DISP3: variants seen among roughly 807,000 people sequenced by gnomAD.
DISP3 encodes dispatched RND transporter family member 3, also known as protein dispatched homolog 3.
DISP3 carries 101 observed loss-of-function variants against 135.3 expected under a neutral mutation model. The observed-to-expected ratio is 0.75, with a 90% confidence interval of 0.64 to 0.88. The LOEUF (loss-of-function observed/expected upper bound fraction) is 0.88, where lower values mean the gene tolerates loss of function less well. DISP3 is among the 40% of genes least tolerant of loss of function. The probability of loss-of-function intolerance (pLI) is 0.00; values close to 1 mark genes in which losing one functional copy is unlikely to be tolerated. For synonymous variants in DISP3, 856 were observed against 817.0 expected, an observed-to-expected ratio of 1.05 and a Z score of -0.81; for missense variants, 1,713 against 1,878.6, an observed-to-expected ratio of 0.91 and a Z score of 1.63.
chr1:11,507,071 G>A (rs926830201), intron 3 of DISP3, among the ~76,000 whole-genome samples: 3 of 152,170 alleles, frequency 2.0e-5, no homozygotes, highest in African/African-American at 4.8e-5. Flanking sequence ...GCCTCTCAAA[G>A]TGTGACTTTT....
intron 3 of DISP3, among the ~76,000 whole-genome samples, chr1:11,508,575 T>G (rs2594313): frequency 0.69 from 105,150 of 151,702 alleles, 36,839 homozygotes; most frequent in Middle Eastern, 0.72. Flanking sequence ...TCAGTTTTAT[T>G]GATGTCAAAG....
chr1:11,497,869 TCAC>T (rs905741010), intron 1 of DISP3, among the ~76,000 whole-genome samples: 4 of 152,080 alleles, frequency 2.6e-5, no homozygotes, highest in Admixed American at 6.5e-5. Flanking sequence ...ATTGAATACC[TCAC>T]CCAAGTTCAT....
chr1:11,517,911 G>A (rs1336380507), intron 7 of DISP3, among the ~76,000 whole-genome samples: 1 of 152,126 alleles, frequency 6.6e-6, no homozygotes, highest in African/African-American at 2.4e-5. Flanking sequence ...AGGGAGGTTG[G>A]GCAGCTTTTT....
chr1:11,505,462 G>A (rs1641671515), intron 3 of DISP3, among the ~76,000 whole-genome samples: 1 of 152,226 alleles, frequency 6.6e-6, no homozygotes, highest in Non-Finnish European at 1.5e-5. Flanking sequence ...CAGATGTTTA[G>A]CTGCTGAGAC....
intron 1 of DISP3, among the ~76,000 whole-genome samples, chr1:11,493,257 G>A (rs1641236665): frequency 6.6e-6 from 1 of 152,222 alleles, no homozygotes; most frequent in Admixed American, 6.5e-5. Context: ...GACCCAAGAA[G>A]AGCTGATATT....
Position 11,519,995 on chromosome 1 carries a change from G to T in DISP3, c.2200+115G>T. The T allele has an allele frequency of 1.9e-6, 2 of 1,066,270 alleles. No individual in the cohort carries two copies. The highest frequency in any genetic ancestry group is 1.3e-6 in the Non-Finnish European group (1 of 750,500). The allele number at this position is 1,066,270 out of a possible 1,614,324, so 66.1% of individuals were successfully genotyped here. On this transcript the variant is annotated intron_variant, in intron 9 of 20. Transcript: ENST00000294484. This position sits in a 1 kb window ranked among gnomAD's most constrained non-coding sequence, Gnocchi z 4.3. ...CCCAGGGTCAGAGGCCTGGGCTGGG[G>T]TCTCTCCCTCTCTGACCCCCCCTCT...
At position 11,501,952 on chromosome 1, in the gene DISP3, G is replaced by A; in HGVS notation, c.960G>A (p.Glu320=). 3 of 1,613,892 alleles carry A rather than the reference G, an allele frequency of 1.9e-6. No homozygotes were observed. Among genetic ancestry groups the A allele is most frequent in the Non-Finnish European group, 2.5e-6 (3 of 1,179,980 alleles). ...GGGAGTTCTGCTGGAAGCCCCACGA[G>A]GTGCTCAAGGATCTGCCGCTGGGCT... ...GFREFCWKPH[E]VLKDLPLGSY... is the part of the protein sequence containing the mutation. Residue 320 remains glutamate, a synonymous_variant, in exon 2 of 21, where the codon GAG becomes GAA. Coordinates refer to ENST00000294484, the MANE Select transcript of DISP3 (RefSeq NM_020780.2). This position sits in a 1 kb window ranked among gnomAD's most constrained non-coding sequence, Gnocchi z 4.9.
intron 5 of DISP3, 148 bp from the exon 6 acceptor site, chr1:11,515,853 G>A: frequency 1.1e-6 from 1 of 946,664 alleles, no homozygotes; most frequent in Non-Finnish European, 1.5e-6. Context: ...GCCAATCAGA[G>A]GGGTCTCTCC....
intron 15 of DISP3, among the ~76,000 whole-genome samples, chr1:11,530,557 G>A (rs1424564544): frequency 2.6e-5 from 4 of 152,088 alleles, no homozygotes; most frequent in Admixed American, 6.5e-5. Context: ...GCAGGCGCTC[G>A]GAGCAGGGGT....
intron 3 of DISP3, among the ~76,000 whole-genome samples, chr1:11,507,160 A>G (rs1332870525): frequency 1.3e-5 from 2 of 152,194 alleles, no homozygotes; most frequent in Non-Finnish European, 2.9e-5. Flanking sequence ...GAGAAAATTT[A>G]TCCTTCACTT....
intron 12 of DISP3, among the ~76,000 whole-genome samples, chr1:11,525,824 G>C (rs555392308): frequency 2.0e-4 from 31 of 152,160 alleles, no homozygotes; most frequent in Admixed American, 2.0e-3. Context: ...TTGGGGGTGG[G>C]GGGAGGACAG....
In DISP3 at chr1:11,520,415, T is replaced by C. The variant is rs995785974; in HGVS notation, c.2201-272T>C. On this transcript the variant is annotated intron_variant, in intron 9 of 20. Coordinates refer to ENST00000294484, the MANE Select transcript of DISP3 (RefSeq NM_020780.2). The surrounding 1 kb of genome is among the most constrained non-coding windows in gnomAD (Gnocchi z 4.8). ...CACCAGCTCGTCATAAACTATGAGG[T>C]GCTCTGAGGTGGTGGCCGCCTCTTG... 1.3e-5 allele frequency among the ~76,000 whole-genome samples: 2 copies of C among 152,108 alleles called. No individual in the cohort carries two copies. Among genetic ancestry groups the C allele is most frequent in the African/African-American group, 4.8e-5 (2 of 41,412 alleles).
intron 17 of DISP3, among the ~76,000 whole-genome samples, chr1:11,533,405 G>A (rs1041620841): frequency 2.6e-5 from 4 of 151,526 alleles, no homozygotes; most frequent in Admixed American, 6.6e-5. Context: ...ACAAGTGTGC[G>A]CCACCACACC....
chr1:11,500,902 GT>G lies in DISP3; in HGVS notation c.-3-86del, dbSNP rs147307121. Reference sequence around the variant, plus strand: ...TAGTATTTGGTTATGAGTGGACAGGGTTGGTACCTAGGGCTGGGCGAACTGC... The same window carrying G: ...TAGTATTTGGTTATGAGTGGACAGGGTGGTACCTAGGGCTGGGCGAACTGC... On this transcript the variant is annotated intron_variant, in intron 1 of 20. Coordinates refer to ENST00000294484, the MANE Select transcript of DISP3 (RefSeq NM_020780.2). The G allele has an allele frequency of 2.6e-3, 3,700 of 1,446,852 alleles. 84 individuals carry two copies. The African/African-American group carries it at 0.047, about 18-fold the overall frequency. The allele number at this position is 1,446,852 out of a possible 1,614,324, so 89.6% of individuals were successfully genotyped here. A position where few individuals can be genotyped will look rare whatever the true frequency, so the allele number is the denominator to read the frequency against.
chr1:11,491,717 C>T lies in DISP3; in HGVS notation c.-3-9273C>T, dbSNP rs143404670. ...CTTTAACGAGTATGCCTAGTGACTC[C>T]GATTCACGTAAAAGTCCAAGGATCT... On this transcript the variant is annotated intron_variant, in intron 1 of 20. Coordinates refer to ENST00000294484, the MANE Select transcript of DISP3 (RefSeq NM_020780.2). This position sits in a 1 kb window ranked among gnomAD's most constrained non-coding sequence, Gnocchi z 4.3. Among the ~76,000 whole-genome samples the T allele has an allele frequency of 1.4e-4, 22 of 152,280 alleles. No homozygotes were observed. Among genetic ancestry groups the T allele is most frequent in the Non-Finnish European group, 2.2e-4 (15 of 68,018 alleles).
intron 6 of DISP3, 133 bp from the exon 7 acceptor site, chr1:11,517,330 C>T: frequency 8.3e-7 from 1 of 1,204,816 alleles, no homozygotes; most frequent in South Asian, 1.4e-5. Context: ...ATTCTGGCAG[C>T]CTGGGCCTCC....
At position 11,529,695 on chromosome 1, in the gene DISP3, A is replaced by C. The variant is rs1383682772; in HGVS notation, c.2929+9A>C. On this transcript the variant is annotated intron_variant, in intron 14 of 20. Transcript: ENST00000294484. The surrounding 1 kb of genome is among the most constrained non-coding windows in gnomAD (Gnocchi z 4.7). ...CGTGCCTAGTGAGAAAGGTACGGCA[A>C]GGGCACACAGGTGGGGACCTCAAGA... 1 of 1,601,862 alleles carries C rather than the reference A, an allele frequency of 6.2e-7. No homozygotes were observed. The highest frequency in any genetic ancestry group is 8.5e-7 in the Non-Finnish European group (1 of 1,170,578).
At chr1:11,512,613 C>G (rs971219106) in intron 3 of DISP3, among the ~76,000 whole-genome samples, 1 of 152,200 alleles carries the variant, frequency 6.6e-6, no homozygotes, top group Non-Finnish European at 1.5e-5. Flanking sequence ...CTAGGAAGTT[C>G]CAAACTTTCC....
chr1:11,508,522 G>A (rs768990878), intron 3 of DISP3, among the ~76,000 whole-genome samples: 4 of 151,888 alleles, frequency 2.6e-5, no homozygotes, highest in African/African-American at 7.3e-5. Flanking sequence ...GTCACCTTCC[G>A]TGTGTCTTCT....
Sources: allele counts gnomAD v4.1 joint callset (sites outside exome capture counted in the v4.1 genomes callset), GRCh38; gene constraint gnomAD v4.1.1; non-coding constraint Gnocchi (gnomAD v3.1); transcripts MANE v1.5; gene names NCBI Gene and HGNC (gene_info 2026-07-23, HGNC 2026-07-21).